Variants in TENM2 observed in about 807,000 individuals in gnomAD.
TENM2 encodes the protein teneurin-2.
TENM2 carries 52 observed loss-of-function variants against 245.2 expected under a neutral mutation model. That is an observed-to-expected ratio of 0.21 (90% confidence interval 0.17 to 0.27). The LOEUF is 0.27. Among genes scored for constraint, TENM2 ranks in the 10% least tolerant of loss-of-function variants. TENM2 has a pLI of 1.00. For synonymous variants in TENM2, 1,363 were observed against 1,438.9 expected (o/e 0.95, Z 1.19); for missense variants, 3,046 against 3,666.8 (o/e 0.83, Z 4.37).
At chr5:167,530,933 G>C (rs558165778) in intron 2 of TENM2, among the ~76,000 whole-genome samples, 1 of 152,240 alleles carries the variant, frequency 6.6e-6, no homozygotes, top group South Asian at 2.1e-4. Flanking sequence ...AGTGGAGGAG[G>C]CTGAAGAGGG....
chr5:168,113,942 C>T (rs1472242208), intron 9 of TENM2, among the ~76,000 whole-genome samples: 3 of 152,204 alleles, frequency 2.0e-5, no homozygotes, highest in African/African-American at 4.8e-5. Context: ...CCAATCACAA[C>T]CAACTCCCTC....
intron 2 of TENM2, among the ~76,000 whole-genome samples, chr5:167,663,177 AG>A (rs1561650071): frequency 0.026 from 3,921 of 148,338 alleles, 84 homozygotes; most frequent in African/African-American, 0.093. Flanking sequence ...AGAGAGAGAG[AG>A]AGAGAGAGAA....
At chr5:167,623,587 C>G (rs1778310868) in intron 2 of TENM2, among the ~76,000 whole-genome samples, 1 of 152,020 alleles carries the variant, frequency 6.6e-6, no homozygotes, top group Non-Finnish European at 1.5e-5. Flanking sequence ...AGCAAGCTCC[C>G]CACTATGTAC....
intron 2 of TENM2, among the ~76,000 whole-genome samples, chr5:167,623,263 A>G (rs947110383): frequency 8.5e-5 from 13 of 152,124 alleles, no homozygotes; most frequent in African/African-American, 2.9e-4. Context: ...TCTATCTATT[A>G]TTATTTCCGT....
chr5:167,600,387 T>C (rs1316333216), intron 2 of TENM2, among the ~76,000 whole-genome samples: 1 of 152,146 alleles, frequency 6.6e-6, no homozygotes, highest in Admixed American at 6.5e-5. Flanking sequence ...TAAAAAATAA[T>C]GTTTTTCTTA....
chr5:167,528,386 A>C (rs1185874145), intron 2 of TENM2, among the ~76,000 whole-genome samples: 2 of 152,124 alleles, frequency 1.3e-5, no homozygotes, highest in Non-Finnish European at 2.9e-5. Flanking sequence ...ATGTGAACAA[A>C]GCATGGGTAC....
intron 2 of TENM2, among the ~76,000 whole-genome samples, chr5:167,734,037 C>T (rs1162512717): frequency 6.6e-6 from 1 of 152,178 alleles, no homozygotes; most frequent in Non-Finnish European, 1.5e-5. Context: ...CTTTGCCTTG[C>T]ACTTGCTGCA....
At chr5:168,149,106 C>A (rs989342148) in intron 12 of TENM2, among the ~76,000 whole-genome samples, 1 of 152,100 alleles carries the variant, frequency 6.6e-6, no homozygotes, top group Admixed American at 6.6e-5. Context: ...ATGAATGCAG[C>A]CTTAAGGTCT....
intron 3 of TENM2, among the ~76,000 whole-genome samples, chr5:167,941,287 A>C (rs1779156501): frequency 6.6e-6 from 1 of 152,236 alleles, no homozygotes; most frequent in African/African-American, 2.4e-5. Context: ...TCAAGGAAAC[A>C]CAGGTCTTCT....
intron 2 of TENM2, among the ~76,000 whole-genome samples, chr5:167,689,781 A>T (rs1024071884): frequency 6.6e-6 from 1 of 151,626 alleles, no homozygotes; most frequent in African/African-American, 2.4e-5. Flanking sequence ...TCTTTTTTTG[A>T]GATGGAGTCT....
At chr5:167,796,952 A>G (rs138678746) in intron 2 of TENM2, among the ~76,000 whole-genome samples, 34 of 152,068 alleles carry the variant, frequency 2.2e-4, no homozygotes, top group African/African-American at 7.7e-4. Context: ...CATACTGTCA[A>G]TATGGCATTG....
At chr5:167,411,336 T>G (rs1762895523) in intron 2 of TENM2, among the ~76,000 whole-genome samples, 1 of 152,146 alleles carries the variant, frequency 6.6e-6, no homozygotes, top group South Asian at 2.1e-4. Context: ...AATTACAAAT[T>G]CCTTTGCCCA....
the TENM2 span, among the ~76,000 whole-genome samples, chr5:167,126,429 C>G: frequency 6.6e-6 from 1 of 152,190 alleles, no homozygotes; most frequent in South Asian, 2.1e-4. Flanking sequence ...TCAGCTTGAC[C>G]TTTTGTGACT....
At chr5:167,152,446 A>T in the TENM2 span, among the ~76,000 whole-genome samples, 3 of 152,238 alleles carry the variant, frequency 2.0e-5, no homozygotes, top group Admixed American at 2.0e-4. Context: ...TTAAATTTCA[A>T]CATTCGGTTT....
chr5:168,036,746 T>C (rs990374637), intron 5 of TENM2, among the ~76,000 whole-genome samples: 3 of 148,120 alleles, frequency 2.0e-5, no homozygotes, highest in Non-Finnish European at 4.5e-5. Flanking sequence ...TATGTGTATA[T>C]ATATATGTAT....
rs115645637 is a variant in TENM2, at chr5:167,553,530, C to G, written c.502+178057C>G. ...GAGACAAGGAGATGGGAACTCAGAGCTTTGTATTCATTACAAACTAGAGTG... is the reference window on the plus strand; with the variant it reads ...GAGACAAGGAGATGGGAACTCAGAGGTTTGTATTCATTACAAACTAGAGTG... On this transcript the variant is annotated intron_variant, in intron 2 of 28. Coordinates refer to ENST00000518659, the Ensembl canonical transcript of TENM2. Among the ~76,000 whole-genome samples, 550 of 152,168 alleles carry G rather than the reference C, an allele frequency of 3.6e-3. 3 individuals are homozygous for G. The highest frequency in any genetic ancestry group is 0.013 in the African/African-American group (528 of 41,502).
intron 2 of TENM2, among the ~76,000 whole-genome samples, chr5:167,743,402 A>G (rs1761330039): frequency 2.0e-5 from 3 of 152,234 alleles, no homozygotes; most frequent in South Asian, 2.1e-4. Flanking sequence ...AAGAGACATC[A>G]TTCTCAAAAT....
chr5:167,324,558 A>T (rs1353150403), intron 1 of TENM2, among the ~76,000 whole-genome samples: 1 of 152,108 alleles, frequency 6.6e-6, no homozygotes, highest in South Asian at 2.1e-4. Context: ...GTGTAATTCC[A>T]TCTTTCTCTT....
intron 2 of TENM2, among the ~76,000 whole-genome samples, chr5:167,820,137 T>C (rs974658400): frequency 1.3e-5 from 2 of 152,008 alleles, no homozygotes; most frequent in Admixed American, 1.3e-4. Context: ...CTGGGCTCAT[T>C]TGCTGTGGTG....
Sources: gnomAD v4.1 joint callset for allele counts (sites outside exome capture counted in the v4.1 genomes callset) on GRCh38, gnomAD v4.1.1 for gene constraint, MANE v1.5 for transcripts, NCBI Gene and HGNC (gene_info 2026-07-23, HGNC 2026-07-21) for gene names.